The following ZC3H18 variants were observed in gnomAD, a reference collection of about 807,000 sequenced individuals.
The protein encoded by ZC3H18 is zinc finger CCCH-type containing 18.
ZC3H18 carries 8 observed loss-of-function variants against 106.1 expected under a neutral mutation model. The ratio of observed to expected loss-of-function variants is 0.08; its 90% CI spans 0.04 to 0.14. ZC3H18 has a LOEUF of 0.14. Ranked by LOEUF, ZC3H18 falls within the 10% of genes least tolerant of loss-of-function variation. The pLI is 1.00. For missense variants in ZC3H18, 1,318 were observed against 1,278.4 expected (o/e 1.03, Z -0.47); for synonymous variants, 635 against 522.1 (o/e 1.22, Z -2.95).
chr16:88,610,860 G>A (rs1008673705), intron 7 of ZC3H18, among the ~76,000 whole-genome samples: 1 of 152,244 alleles, frequency 6.6e-6, no homozygotes. Flanking sequence ...AGGCCACACG[G>A]CGGAAGGCCA....
At chr16:88,588,272 A>G (rs1026387740) in intron 3 of ZC3H18, among the ~76,000 whole-genome samples, 1 of 152,218 alleles carries the variant, frequency 6.6e-6, no homozygotes, top group African/African-American at 2.4e-5. Context: ...ATTTGCAGTC[A>G]TTTTGAATCA....
chr16:88,577,354 A>G lies in ZC3H18; in HGVS notation c.231A>G (p.Lys77=), dbSNP rs1430633042. The change falls in exon 2 of 18, where the codon AAA becomes AAG. Residue 77 remains lysine, a synonymous_variant. Transcript: ENST00000301011. ...AGGAGGACCGGGCAAGTGAGCCTAA[A>G]TCCCAAGACCAGGACTCAGAGGTGA... The part of the protein sequence containing the change: ...SDEEDRASEP[K]SQDQDSEVNE... 6 of 1,601,902 alleles carry G rather than the reference A, an allele frequency of 3.7e-6. No individual in the cohort carries two copies. Among genetic ancestry groups the G allele is most frequent in the Non-Finnish European group, 5.1e-6 (6 of 1,172,750 alleles).
rs193121146 is a variant in ZC3H18 at position 88,628,754 on chromosome 16, C to T, written c.2470-4C>T. ...TGTCCTCACTGGCCTCTCTCTTGTC[C>T]CAGGCGGCTGATAAAGGAAGCAGGA... On this transcript the variant is annotated splice_polypyrimidine_tract_variant and splice_region_variant and intron_variant, in intron 15 of 17. Coordinates refer to ENST00000301011, the MANE Select transcript of ZC3H18 (RefSeq NM_144604.4). The T allele has an allele frequency of 9.9e-6, 16 of 1,613,950 alleles. No homozygotes were observed. In the South Asian group the frequency reaches 1.6e-4, roughly 17 times the overall value.
At chr16:88,599,767 A>G in intron 5 of ZC3H18, 24 bp from the exon 6 acceptor site, 1 of 1,599,088 alleles carries the variant, frequency 6.3e-7, no homozygotes, top group African/African-American at 1.4e-5. Context: ...TTCCATGTTG[A>G]CTTCTTTCTT....
At chr16:88,613,424 C>G (rs756466674) in intron 8 of ZC3H18, among the ~76,000 whole-genome samples, 17 of 152,196 alleles carry the variant, frequency 1.1e-4, no homozygotes, top group Non-Finnish European at 2.2e-4. Flanking sequence ...AACCCTCAAA[C>G]TGTTGTGCAG....
At chr16:88,602,679 GT>G (rs1293864683) in intron 6 of ZC3H18, among the ~76,000 whole-genome samples, 5 of 152,204 alleles carry the variant, frequency 3.3e-5, no homozygotes, top group African/African-American at 1.2e-4. Flanking sequence ...AATGTCGAGA[GT>G]TTTCTGTTGG....
intron 16 of ZC3H18, among the ~76,000 whole-genome samples, chr16:88,629,349 G>A (rs961738516): frequency 4.6e-5 from 7 of 152,178 alleles, no homozygotes; most frequent in East Asian, 3.8e-4. Flanking sequence ...AGTGGCGTGC[G>A]TCTGTAATCC....
At chr16:88,615,367 C>T (rs553307157) in intron 8 of ZC3H18, among the ~76,000 whole-genome samples, 88 of 152,328 alleles carry the variant, frequency 5.8e-4, no homozygotes, top group African/African-American at 2.0e-3. Context: ...CAGTGCCCAT[C>T]TGGAGCCCTT....
intron 4 of ZC3H18, 120 bp downstream of exon 4, chr16:88,598,446 C>T (rs1011554211): frequency 6.0e-6 from 9 of 1,500,136 alleles, no homozygotes; most frequent in Non-Finnish European, 7.2e-6. Context: ...TCGGCTGCTT[C>T]TGTCGTCCCG....
intron 6 of ZC3H18, among the ~76,000 whole-genome samples, chr16:88,601,189 T>C (rs1904733151): frequency 6.6e-6 from 1 of 152,250 alleles, no homozygotes; most frequent in Non-Finnish European, 1.5e-5. Flanking sequence ...GATAGGTATT[T>C]AAAGACTTGG....
chr16:88,583,319 G>A (rs900815057), intron 2 of ZC3H18, among the ~76,000 whole-genome samples: 5 of 152,264 alleles, frequency 3.3e-5, no homozygotes, highest in African/African-American at 4.8e-5. Context: ...TGTTTAGCAC[G>A]TTACCAGTGA....
intron 8 of ZC3H18, among the ~76,000 whole-genome samples, chr16:88,612,473 G>A (rs1300504934): frequency 6.6e-6 from 1 of 150,676 alleles, no homozygotes; most frequent in African/African-American, 2.4e-5. Flanking sequence ...AGACCAGCCT[G>A]GGTAGCAAAG....
chr16:88,600,452 G>A (rs1030057975), intron 6 of ZC3H18, among the ~76,000 whole-genome samples: 1 of 152,058 alleles, frequency 6.6e-6, no homozygotes, highest in African/African-American at 2.4e-5. Flanking sequence ...TTGCTCTGTC[G>A]CCCAAGCTGG....
Position 88,623,261 on chromosome 16 carries a change from C to T in ZC3H18, c.1710C>T (p.Ser570=). The T allele has an allele frequency of 6.2e-7, 1 of 1,613,762 alleles. No homozygotes were observed. The highest frequency in any genetic ancestry group is 2.2e-5 in the East Asian group (1 of 44,882). The change falls in exon 10 of 18, where the codon TCC becomes TCT. Residue 570 remains serine (S), a synonymous_variant. Transcript: ENST00000301011. ...CGTCCTACTCTGGCTCCGGCTCCTC[C>T]CGGTCGCGATCCCGGTCTTCATCCT... ...RSSSYSGSGS[S]RSRSRSSSYS... is the part of the protein sequence containing the mutation.
chr16:88,579,129 C>T (rs1914952332), intron 2 of ZC3H18, among the ~76,000 whole-genome samples: 1 of 152,186 alleles, frequency 6.6e-6, no homozygotes, highest in African/African-American at 2.4e-5. Flanking sequence ...CTTTACGGGA[C>T]GTGTGTGCAC....
At chr16:88,602,750 C>G (rs895247951) in intron 6 of ZC3H18, among the ~76,000 whole-genome samples, 1 of 152,172 alleles carries the variant, frequency 6.6e-6, no homozygotes, top group Non-Finnish European at 1.5e-5. Context: ...TGGACTCAAG[C>G]AATCCTCGCG....
chr16:88,587,207 G>A (rs1426365968), intron 3 of ZC3H18, among the ~76,000 whole-genome samples: 3 of 152,236 alleles, frequency 2.0e-5, no homozygotes, highest in Non-Finnish European at 4.4e-5. Context: ...AGGAGCTGCA[G>A]CAGGGGACAG....
chr16:88,598,423 TC>T, intron 4 of ZC3H18, 97 bp downstream of exon 4: 1 of 1,507,684 alleles, frequency 6.6e-7, no homozygotes, highest in Non-Finnish European at 8.9e-7. Context: ...TAGCACAGGC[TC>T]AGTGCCCCCT....
intron 16 of ZC3H18, 177 bp from the exon 17 acceptor site, chr16:88,630,308 G>T (rs147961270): frequency 0.016 from 8,988 of 554,408 alleles, 143 homozygotes; most frequent in Non-Finnish European, 0.02. Flanking sequence ...AGATGCCTTG[G>T]TGCCCACATC....
Sources: allele counts gnomAD v4.1 joint callset (sites outside exome capture counted in the v4.1 genomes callset), GRCh38; gene constraint gnomAD v4.1.1; transcripts MANE v1.5; gene names NCBI Gene and HGNC (gene_info 2026-07-23, HGNC 2026-07-21).